The following MYO5B variants were observed in gnomAD, a reference collection of about 807,000 sequenced individuals.
MYO5B encodes the protein unconventional myosin-Vb.
MYO5B carries 143 observed loss-of-function variants against 229.3 expected under a neutral mutation model. The ratio of observed to expected loss-of-function variants is 0.62; its 90% CI spans 0.54 to 0.72. The LOEUF (loss-of-function observed/expected upper bound fraction) is 0.72. Among genes scored for constraint, MYO5B ranks in the 30% least tolerant of loss-of-function variants. The pLI, the probability that MYO5B is intolerant of heterozygous loss-of-function variation, is 0.00. For missense variants in MYO5B, 2,321 were observed against 2,331.0 expected, an observed-to-expected ratio of 1.00 and a Z score of 0.09; for synonymous variants, 918 against 885.2, an observed-to-expected ratio of 1.04 and a Z score of -0.66.
intron 1 of MYO5B, among the ~76,000 whole-genome samples, chr18:50,093,225 C>A (rs1029258321): frequency 1.4e-5 from 2 of 145,804 alleles, no homozygotes; most frequent in African/African-American, 2.7e-5. Flanking sequence ...CACACACACA[C>A]AGAGAGGCAC....
At position 50,104,128 on chromosome 18, in the gene MYO5B, C is replaced by G. The variant is rs1254625096; in HGVS notation, c.28-48750G>C. ...ACAGTGGTGAGCTATGATCATGCCA[C>G]TGCACTCCAGCCTGGGCAACAGATG... On this transcript the variant is annotated intron_variant, in intron 1 of 39. Transcript: ENST00000285039. 2.7e-5 allele frequency among the ~76,000 whole-genome samples: 4 copies of G among 146,250 alleles called. No individual in the cohort carries two copies. The Admixed American group carries it at 2.7e-4, about 10-fold the overall frequency.
chr18:50,112,058 G>A (rs552486631), intron 1 of MYO5B, among the ~76,000 whole-genome samples: 38 of 152,146 alleles, frequency 2.5e-4, no homozygotes, highest in Non-Finnish European at 5.0e-4. Context: ...AAGTAAATAT[G>A]GTAAGGGGCT....
intron 1 of MYO5B, among the ~76,000 whole-genome samples, chr18:50,142,654 G>T (rs1050331675): frequency 7.2e-5 from 11 of 152,160 alleles, no homozygotes; most frequent in African/African-American, 2.7e-4. Flanking sequence ...TTGCTCTGTA[G>T]TGTGGGCACC....
chr18:49,925,119 CTAATAGAA>C (rs2144186661), intron 17 of MYO5B, among the ~76,000 whole-genome samples: 1 of 152,322 alleles, frequency 6.6e-6, no homozygotes, highest in African/African-American at 2.4e-5. Flanking sequence ...TTTGGAATTA[CTAATAGAA>C]CAGACTCTAT....
At chr18:50,039,520 A>G (rs2029940808) in intron 3 of MYO5B, among the ~76,000 whole-genome samples, 1 of 151,986 alleles carries the variant, frequency 6.6e-6, no homozygotes, top group Non-Finnish European at 1.5e-5. Flanking sequence ...TTTAGTAGAG[A>G]TGGGGTTTCA....
chr18:49,836,957 T>G, intron 37 of MYO5B, 72 bp from the exon 38 acceptor site: 1 of 1,481,702 alleles, frequency 6.7e-7, no homozygotes, highest in Admixed American at 1.8e-5. Flanking sequence ...ACACCTGTTG[T>G]GTTTTGCAGG....
At chr18:50,036,675 T>C (rs1171752694) in intron 4 of MYO5B, among the ~76,000 whole-genome samples, 175 bp downstream of exon 4, 2 of 152,180 alleles carry the variant, frequency 1.3e-5, no homozygotes, top group African/African-American at 2.4e-5. Context: ...AAGAATAAGA[T>C]AAAGGCATGA....
At chr18:50,015,446 A>T (rs549876155) in intron 4 of MYO5B, among the ~76,000 whole-genome samples, 3 of 152,296 alleles carry the variant, frequency 2.0e-5, no homozygotes, top group Non-Finnish European at 4.4e-5. Context: ...TAATAATTTT[A>T]TTTCTTGAAA....
intron 5 of MYO5B, among the ~76,000 whole-genome samples, chr18:49,999,927 T>C (rs1274704970): frequency 6.6e-6 from 1 of 152,278 alleles, no homozygotes; most frequent in Non-Finnish European, 1.5e-5. Flanking sequence ...TTTGTCTGTT[T>C]AGTACAAATG....
intron 1 of MYO5B, among the ~76,000 whole-genome samples, chr18:50,060,579 AT>A (rs1217878445): frequency 1.4e-4 from 21 of 152,232 alleles, no homozygotes; most frequent in African/African-American, 5.1e-4. Context: ...AAAGCTTGTG[AT>A]TTTTGGAAAG....
chr18:49,913,339 A>C (rs527816402), intron 17 of MYO5B, among the ~76,000 whole-genome samples: 8 of 152,306 alleles, frequency 5.3e-5, no homozygotes, highest in African/African-American at 1.9e-4. Context: ...ACATATGCTC[A>C]TTCTCCTGAA....
chr18:49,985,354 T>C (rs902389057), intron 7 of MYO5B, among the ~76,000 whole-genome samples: 3 of 152,224 alleles, frequency 2.0e-5, no homozygotes, highest in African/African-American at 7.2e-5. Context: ...CTTACATGTT[T>C]GCTGTCATCC....
chr18:50,014,728 G>A (rs919206087), intron 4 of MYO5B, among the ~76,000 whole-genome samples: 3 of 152,184 alleles, frequency 2.0e-5, no homozygotes, highest in Non-Finnish European at 4.4e-5. Context: ...AGGATGGGAA[G>A]GATGTCTGTT....
rs777244062 is a variant in MYO5B at position 49,937,326 on chromosome 18, T to C, written c.1824A>G (p.Ser608=). ...PVPATTPGKG[S]SSKISVRSAR... is the part of the protein sequence containing the mutation. ...CAGAACGGACGCTGATCTTCGAAGA[T>C]GACCCCTTCCCAGGGGTGGTGGCAG... Residue 608 remains serine (S), a synonymous_variant, in exon 15 of 40, where the codon TCA becomes TCG. Transcript: ENST00000285039. The C allele has an allele frequency of 1.2e-6, 2 of 1,614,074 alleles. No individual in the cohort carries two copies. Among genetic ancestry groups the C allele is most frequent in the Non-Finnish European group, 1.7e-6 (2 of 1,179,938 alleles).
At chr18:49,870,021 G>C (rs1382033140) in intron 27 of MYO5B, among the ~76,000 whole-genome samples, 3 of 152,226 alleles carry the variant, frequency 2.0e-5, no homozygotes, top group Non-Finnish European at 2.9e-5. Flanking sequence ...GGAAAGGCGG[G>C]TGAAGGTTAG....
At chr18:49,990,335 C>G (rs978073625) in intron 7 of MYO5B, 104 bp downstream of exon 7, 3 of 950,054 alleles carry the variant, frequency 3.2e-6, no homozygotes, top group African/African-American at 1.6e-5. Flanking sequence ...GAGGCAGAGC[C>G]GAGACAAGAA....
chr18:50,055,010 AT>A (rs1037302764), intron 2 of MYO5B, among the ~76,000 whole-genome samples: 1 of 152,090 alleles, frequency 6.6e-6, no homozygotes, highest in Non-Finnish European at 1.5e-5. Flanking sequence ...TCCACTGAAG[AT>A]TCCTGCCTTG....
At chr18:49,948,173 C>A (rs557826934) in intron 14 of MYO5B, among the ~76,000 whole-genome samples, 2 of 152,344 alleles carry the variant, frequency 1.3e-5, no homozygotes, top group Non-Finnish European at 2.9e-5. Flanking sequence ...GAAACAGACA[C>A]ATAAAGTTAA....
At position 49,864,224 on chromosome 18, in the gene MYO5B, GCTC is replaced by G; in HGVS notation, c.3757_3759del (p.Glu1253del). ...AGCACCTCCTCCTTGCGCACCTCGA[GCTC>G]CTCGTGGGCCAGCTTGAGCTGGTTC... On this transcript the variant is annotated inframe_deletion, in exon 28 of 40. Coordinates refer to ENST00000285039, the MANE Select transcript of MYO5B (RefSeq NM_001080467.3). The G allele has an allele frequency of 1.2e-6, 2 of 1,613,958 alleles. No individual in the cohort carries two copies. The highest frequency in any genetic ancestry group is 1.7e-6 in the Non-Finnish European group (2 of 1,180,044).
Sources: allele counts gnomAD v4.1 joint callset (sites outside exome capture counted in the v4.1 genomes callset), GRCh38; gene constraint gnomAD v4.1.1; transcripts MANE v1.5; gene names NCBI Gene and HGNC (gene_info 2026-07-23, HGNC 2026-07-21).